The following CRMP1 variants were observed in gnomAD, a reference collection of about 807,000 sequenced individuals.
CRMP1 encodes collapsin response mediator protein 1.
Under a neutral mutation model 68.3 loss-of-function variants are expected in CRMP1, and 19 were observed. The observed-to-expected ratio is 0.28, with a 90% CI of 0.19 to 0.41. The LOEUF (loss-of-function observed/expected upper bound fraction) is 0.41. Ranked by LOEUF, CRMP1 falls within the 10% of genes least tolerant of loss-of-function variation. The pLI, the probability that CRMP1 is intolerant of heterozygous loss-of-function variation, is 1.00. For synonymous variants in CRMP1, 439 were observed against 399.6 expected, an observed-to-expected ratio of 1.10 and a Z score of -1.18; for missense variants, 791 against 967.4, an observed-to-expected ratio of 0.82 and a Z score of 2.42.
At chr4:5,871,969 G>C (rs773163344) in intron 1 of CRMP1, among the ~76,000 whole-genome samples, 1 of 152,144 alleles carries the variant, frequency 6.6e-6, no homozygotes, top group Non-Finnish European at 1.5e-5. Context: ...TGAGGTCCAC[G>C]AACAGGTGTG....
In CRMP1 at chr4:5,843,771, A is replaced by C. The variant is rs927688831; in HGVS notation, c.964-610T>G. On this transcript the variant is annotated intron_variant, in intron 6 of 13. Coordinates refer to ENST00000324989, the MANE Select transcript of CRMP1 (RefSeq NM_001014809.3). The surrounding 1 kb of genome is among the most constrained non-coding windows in gnomAD (Gnocchi z 4.1). Reference sequence around the variant, plus strand: ...GCACAAAACCTGGAGCTGAGCGAGCACACGCTCATTAATTGGCAGCCGGCT... The same window carrying C: ...GCACAAAACCTGGAGCTGAGCGAGCCCACGCTCATTAATTGGCAGCCGGCT... Among the ~76,000 whole-genome samples the C allele has an allele frequency of 6.6e-6, 1 of 152,136 alleles. No individual in the cohort carries two copies. The highest frequency in any genetic ancestry group is 2.4e-5 in the African/African-American group (1 of 41,426).
rs936926034 is a variant in CRMP1, at chr4:5,834,857, T to C, written c.1623+1058A>G. 1.3e-5 allele frequency among the ~76,000 whole-genome samples: 2 copies of C among 152,198 alleles called. No homozygotes were observed. The highest frequency in any genetic ancestry group is 4.8e-5 in the African/African-American group (2 of 41,462). The stretch of plus-strand genomic sequence containing the variant: ...TGTTACCAGGGAGCATTGTGTATTA[T>C]AAGAATGACCTGGATTGGTGAGCCG... On this transcript the variant is annotated intron_variant, in intron 11 of 13. Coordinates refer to ENST00000324989, the MANE Select transcript of CRMP1 (RefSeq NM_001014809.3). The surrounding 1 kb of genome is among the most constrained non-coding windows in gnomAD (Gnocchi z 4.3).
intron 12 of CRMP1, among the ~76,000 whole-genome samples, chr4:5,827,530 T>C (rs3821936): frequency 0.34 from 51,091 of 151,886 alleles, 14,034 homozygotes; most frequent in African/African-American, 0.77. Context: ...TCTCAATTGG[T>C]CACTTAGGAA....
At chr4:5,831,088 A>G (rs905366394) in intron 11 of CRMP1, among the ~76,000 whole-genome samples, 32 of 152,240 alleles carry the variant, frequency 2.1e-4, no homozygotes, top group African/African-American at 6.5e-4. Flanking sequence ...AGCTAGGACT[A>G]CAGGCATGCA....
At chr4:5,836,662 T>A in intron 10 of CRMP1, 103 bp downstream of exon 10, 1 of 1,550,956 alleles carries the variant, frequency 6.4e-7, no homozygotes, top group Admixed American at 1.7e-5. Context: ...TCCGCCTCCA[T>A]GTAAGAAGGG....
In CRMP1 at chr4:5,888,647, A is replaced by AGCCCC. The variant is rs1491401120; in HGVS notation, c.381+3937_381+3941dup. The AGCCCC allele has an allele frequency of 4.1e-6, 3 of 731,958 alleles. No individual in the cohort carries two copies. The highest frequency in any genetic ancestry group is 7.1e-4 in the Middle Eastern group (1 of 1,402). The allele number at this position is 731,958 out of a possible 1,614,324, so 45.3% of individuals were successfully genotyped here. A position where few individuals can be genotyped will look rare whatever the true frequency, so the allele number is the denominator to read the frequency against. ...CCCGCCCCCCGCCCCCCACCCGCCC[A>AGCCCC]GCCCCGCCGACCCCCGCCCTGCGCA... On this transcript the variant is annotated intron_variant, in intron 1 of 13. Transcript: ENST00000324989. The surrounding 1 kb of genome is among the most constrained non-coding windows in gnomAD (Gnocchi z 6.4).
chr4:5,887,567 T>C (rs1272079234), intron 1 of CRMP1: 1 of 985,402 alleles, frequency 1.0e-6, no homozygotes, highest in Non-Finnish European at 1.2e-6. Flanking sequence ...GCCCGGCTGT[T>C]CTGCCTCCAC....
intron 1 of CRMP1, among the ~76,000 whole-genome samples, chr4:5,867,036 C>T (rs1291717010): frequency 1.3e-5 from 2 of 152,170 alleles, no homozygotes; most frequent in Admixed American, 6.5e-5. Context: ...CACTAGATCT[C>T]TCTCACTGTT....
rs1442818255 is a variant in CRMP1, at chr4:5,855,849, G to C, written c.820+294C>G. ...AGTTTCAGGGATGGCAGCCAGGCTA[G>C]TGATCCGGGTGATGGAAAAGAAAAG... On this transcript the variant is annotated intron_variant, in intron 4 of 13. Coordinates refer to ENST00000324989, the MANE Select transcript of CRMP1 (RefSeq NM_001014809.3). The surrounding 1 kb of genome is among the most constrained non-coding windows in gnomAD (Gnocchi z 4.9). Among the ~76,000 whole-genome samples, 1 of 152,230 alleles carries C rather than the reference G, an allele frequency of 6.6e-6. No individual in the cohort carries two copies. The highest frequency in any genetic ancestry group is 2.4e-5 in the African/African-American group (1 of 41,462).
chr4:5,828,478 G>C lies in CRMP1; in HGVS notation c.1803+11C>G. ...CCACGGGTGGGCCCGCTCCCCTGCA[G>C]ACACACTCACCTTATTCCTGATTTT... is the stretch of plus-strand genomic sequence containing the variant. On this transcript the variant is annotated intron_variant, in intron 12 of 13. Coordinates refer to ENST00000324989, the MANE Select transcript of CRMP1 (RefSeq NM_001014809.3). The C allele has an allele frequency of 1.2e-6, 2 of 1,612,158 alleles. No homozygotes were observed. Among genetic ancestry groups the C allele is most frequent in the Non-Finnish European group, 1.7e-6 (2 of 1,178,454 alleles).
intron 2 of CRMP1, among the ~76,000 whole-genome samples, chr4:5,863,833 G>A (rs575638955): frequency 1.3e-4 from 20 of 152,268 alleles, no homozygotes; most frequent in African/African-American, 3.9e-4. Flanking sequence ...CTCTGTACCC[G>A]AGGTGGTCCC....
chr4:5,861,117 C>T lies in CRMP1; in HGVS notation c.564G>A (p.Thr188=), dbSNP rs760472188. The change falls in exon 3 of 14, where the codon ACG becomes ACA. Residue 188 remains threonine (T), a synonymous_variant. Coordinates refer to ENST00000324989, the MANE Select transcript of CRMP1 (RefSeq NM_001014809.3). This position sits in a 1 kb window ranked among gnomAD's most constrained non-coding sequence, Gnocchi z 6.0. The stretch of plus-strand genomic sequence containing the variant: ...TCCCCTGGGAGGGCTTCTGCAGGTA[C>T]GTGTTGACATCAATACCTCCGGGAA... The part of the protein sequence containing the change: ...MVIPGGIDVN[T]YLQKPSQGMT... 18 of 1,614,080 alleles carry T rather than the reference C, an allele frequency of 1.1e-5. No homozygotes were observed. In the South Asian group the frequency reaches 1.5e-4, roughly 14 times the overall value.
Position 5,825,776 on chromosome 4 carries a change from GCACA to G in CRMP1, c.1804-121_1804-118del, listed in dbSNP as rs10605297. On this transcript the variant is annotated intron_variant, in intron 12 of 13. Transcript: ENST00000324989. The surrounding 1 kb of genome is among the most constrained non-coding windows in gnomAD (Gnocchi z 4.4). Reference sequence around the variant, plus strand: ...ACCTGAGGTCACTTCAAATGTGCATGCACACACACACACAACACGCACACACGAC... The same window carrying G: ...ACCTGAGGTCACTTCAAATGTGCATGCACACACACAACACGCACACACGAC... 343 of 903,534 alleles carry G rather than the reference GCACA, an allele frequency of 3.8e-4. 1 individual carries two copies. The East Asian group carries it at 6.4e-3, about 17-fold the overall frequency. 56.0% of individuals were successfully genotyped at this position (903,534 alleles called of 1,614,324 possible). A position where few individuals can be genotyped will look rare whatever the true frequency, so the allele number is the denominator to read the frequency against.
Position 5,888,209 on chromosome 4 carries a change from G to T in CRMP1, c.381+4380C>A. 7.9e-7 allele frequency: 1 copy of T among 1,260,334 alleles called. No homozygotes were observed. The highest frequency in any genetic ancestry group is 3.6e-5 in the South Asian group (1 of 27,974). 78.1% of individuals were successfully genotyped at this position (1,260,334 alleles called of 1,614,324 possible). ...CCCACAAAGGCCAGCGCGGGGCGGC[G>T]GGGGCGGGGGCCGCTTACCGTGATG... is the stretch of plus-strand genomic sequence containing the variant. On this transcript the variant is annotated intron_variant, in intron 1 of 13. Transcript: ENST00000324989. The surrounding 1 kb of genome is among the most constrained non-coding windows in gnomAD (Gnocchi z 6.4).
chr4:5,858,316 T>A lies in CRMP1; in HGVS notation c.656-2009A>T, dbSNP rs948240837. 6.6e-5 allele frequency among the ~76,000 whole-genome samples: 10 copies of A among 152,158 alleles called. No homozygotes were observed. The highest frequency in any genetic ancestry group is 6.2e-4 in the South Asian group (3 of 4,806). On this transcript the variant is annotated intron_variant, in intron 3 of 13. Transcript: ENST00000324989. The surrounding 1 kb of genome is among the most constrained non-coding windows in gnomAD (Gnocchi z 5.5). ...CACCACTTGCTCTGAGCTACAGAAC[T>A]CTGAACCCGGTTGTGTTCTTGGCTT... is the stretch of plus-strand genomic sequence containing the variant.
In CRMP1 at chr4:5,821,933, A is replaced by G. The variant is rs1373776928; in HGVS notation, c.1970-82T>C. ...GCTCCTGGAGGCCATGTACTCTGCC[A>G]TGCACTCCACTGGACCCACCTTCAT... On this transcript the variant is annotated intron_variant, in intron 13 of 13. Coordinates refer to ENST00000324989, the MANE Select transcript of CRMP1 (RefSeq NM_001014809.3). The surrounding 1 kb of genome is among the most constrained non-coding windows in gnomAD (Gnocchi z 4.4). 12 of 1,113,552 alleles carry G rather than the reference A, an allele frequency of 1.1e-5. No individual in the cohort carries two copies. The highest frequency in any genetic ancestry group is 1.5e-5 in the Non-Finnish European group (12 of 812,162). The allele number at this position is 1,113,552 out of a possible 1,614,324, so 69.0% of individuals were successfully genotyped here.
chr4:5,885,600 G>A (rs115632903), intron 1 of CRMP1, among the ~76,000 whole-genome samples: 1,661 of 152,176 alleles, frequency 0.011, 37 homozygotes, highest in African/African-American at 0.038. Context: ...TTACCTCTGG[G>A]GCCCCATGGG....
At chr4:5,871,766 T>A (rs1248179186) in intron 1 of CRMP1, among the ~76,000 whole-genome samples, 1 of 152,226 alleles carries the variant, frequency 6.6e-6, no homozygotes, top group Non-Finnish European at 1.5e-5. Flanking sequence ...TGATATTTGA[T>A]ACGAATACTC....
Position 5,890,844 on chromosome 4 carries a change from G to A in CRMP1, c.381+1745C>T, listed in dbSNP as rs1231002297. On this transcript the variant is annotated intron_variant, in intron 1 of 13. Transcript: ENST00000324989. The surrounding 1 kb of genome is among the most constrained non-coding windows in gnomAD (Gnocchi z 5.5). ...GAGGAACTCTCCTTGGGACAGCTACGGGCCGTGCACAAAGCGCCCTCGCCT... is the reference window on the plus strand; with the variant it reads ...GAGGAACTCTCCTTGGGACAGCTACAGGCCGTGCACAAAGCGCCCTCGCCT... 6.6e-6 allele frequency among the ~76,000 whole-genome samples: 1 copy of A among 152,176 alleles called. No homozygotes were observed. The highest frequency in any genetic ancestry group is 1.5e-5 in the Non-Finnish European group (1 of 67,980).
Sources: gnomAD v4.1 joint callset for allele counts (sites outside exome capture counted in the v4.1 genomes callset) on GRCh38, gnomAD v4.1.1 for gene constraint, Gnocchi (gnomAD v3.1) non-coding constraint, MANE v1.5 for transcripts, NCBI Gene and HGNC (gene_info 2026-07-23, HGNC 2026-07-21) for gene names.